CORO2B: variants seen among roughly 807,000 people sequenced by gnomAD.
CORO2B encodes the protein coronin-2B.
CORO2B carries 26 observed loss-of-function variants against 58.8 expected under a neutral mutation model. The observed-to-expected ratio is 0.44, with a 90% CI of 0.32 to 0.61. The LOEUF is 0.61. CORO2B is among the 20% of genes least tolerant of loss of function. The pLI, the probability that CORO2B is intolerant of heterozygous loss-of-function variation, is 0.04. For synonymous variants in CORO2B, 242 were observed against 253.8 expected (o/e 0.95, Z 0.44); for missense variants, 460 against 645.1 (o/e 0.71, Z 3.11).
chr15:68,595,520 C>G (rs766999586), intron 1 of CORO2B, among the ~76,000 whole-genome samples: 1 of 152,232 alleles, frequency 6.6e-6, no homozygotes, highest in Non-Finnish European at 1.5e-5. Flanking sequence ...ATCCCCTTCC[C>G]TCAGTTCAGC....
Position 68,645,406 on chromosome 15 carries a change from A to G in CORO2B, c.216+46A>G. On this transcript the variant is annotated intron_variant, in intron 2 of 11. Transcript: ENST00000261861. This position sits in a 1 kb window ranked among gnomAD's most constrained non-coding sequence, Gnocchi z 4.5. ...CTCCAGCTGCAGCTCCAGGGCAGAG[A>G]GGAGCCCTCCTTGGTCTCTCTTAGG... The G allele has an allele frequency of 6.3e-7, 1 of 1,580,522 alleles. No homozygotes were observed. The highest frequency in any genetic ancestry group is 8.6e-7 in the Non-Finnish European group (1 of 1,160,306).
At chr15:68,672,679 G>C (rs1035800756) in intron 2 of CORO2B, among the ~76,000 whole-genome samples, 1 of 152,242 alleles carries the variant, frequency 6.6e-6, no homozygotes, top group African/African-American at 2.4e-5. Flanking sequence ...TGGAAGTGAA[G>C]AAATGGTGCC....
At chr15:68,714,885 A>G (rs1892996530) in intron 7 of CORO2B, among the ~76,000 whole-genome samples, 1 of 152,138 alleles carries the variant, frequency 6.6e-6, no homozygotes, top group African/African-American at 2.4e-5. Flanking sequence ...GGGCTTTTAC[A>G]TTGGAATAAA....
chr15:68,636,227 T>C (rs1396837825), intron 1 of CORO2B, among the ~76,000 whole-genome samples: 1 of 152,174 alleles, frequency 6.6e-6, no homozygotes, highest in Non-Finnish European at 1.5e-5. Context: ...CAGCATGGAA[T>C]CTGGGGGCCT....
the CORO2B span, among the ~76,000 whole-genome samples, chr15:68,531,546 AGGAAGGAAGGAAAGAAAG>A: frequency 7.3e-5 from 5 of 68,572 alleles, no homozygotes; most frequent in African/African-American, 1.6e-4. Context: ...GAAGGAAGGA[AGGAAGGAAGGAAAGAAAG>A]AGAAAGAAAG....
intron 2 of CORO2B, among the ~76,000 whole-genome samples, chr15:68,693,825 ATTTG>A (rs71905785): frequency 0.89 from 133,763 of 151,052 alleles, 60,330 homozygotes; most frequent in East Asian, 1. Flanking sequence ...TCTGGTTGTG[ATTTG>A]TTTGTTTGTT....
intron 1 of CORO2B, among the ~76,000 whole-genome samples, chr15:68,592,297 G>A (rs538385291): frequency 1.6e-4 from 25 of 152,266 alleles, no homozygotes; most frequent in Non-Finnish European, 2.6e-4. Flanking sequence ...CACACATAAG[G>A]GAATTTTCTG....
At chr15:68,684,383 A>G (rs1027906333) in intron 2 of CORO2B, among the ~76,000 whole-genome samples, 5 of 152,222 alleles carry the variant, frequency 3.3e-5, no homozygotes, top group African/African-American at 1.2e-4. Context: ...GTCCTGAAAT[A>G]GGGGACATGA....
intron 1 of CORO2B, among the ~76,000 whole-genome samples, chr15:68,624,354 G>C (rs1900617731): frequency 6.6e-6 from 1 of 152,120 alleles, no homozygotes; most frequent in Non-Finnish European, 1.5e-5. Flanking sequence ...CTCCAGCCTG[G>C]GCAGCAGTGA....
chr15:68,606,003 A>C (rs1441455726), intron 1 of CORO2B, among the ~76,000 whole-genome samples: 1 of 151,750 alleles, frequency 6.6e-6, no homozygotes, highest in Non-Finnish European at 1.5e-5. Context: ...GGATTATAGC[A>C]GTGAGCCACA....
chr15:68,520,776 T>C, the CORO2B span, among the ~76,000 whole-genome samples: 1 of 152,240 alleles, frequency 6.6e-6, no homozygotes, highest in African/African-American at 2.4e-5. Context: ...CCGGGTGCAG[T>C]AGCTCATGCT....
chr15:68,528,798 C>A, the CORO2B span, among the ~76,000 whole-genome samples: 1 of 150,150 alleles, frequency 6.7e-6, no homozygotes, highest in South Asian at 2.1e-4. Flanking sequence ...AGGAAAGGGG[C>A]TTTTAAATTA....
At chr15:68,716,473 G>A (rs76275896) in intron 8 of CORO2B, among the ~76,000 whole-genome samples, 2,560 of 152,306 alleles carry the variant, frequency 0.017, 42 homozygotes, top group Non-Finnish European at 0.025. Flanking sequence ...GACCCTGCGC[G>A]AAGTCCAGTG....
At chr15:68,724,157 G>A (rs980632085) in intron 11 of CORO2B, among the ~76,000 whole-genome samples, 1 of 152,112 alleles carries the variant, frequency 6.6e-6, no homozygotes, top group African/African-American at 2.4e-5. Flanking sequence ...AGCCAAGATC[G>A]CGCCACTGCA....
At chr15:68,688,326 G>C (rs191661010) in intron 2 of CORO2B, among the ~76,000 whole-genome samples, 25 of 152,134 alleles carry the variant, frequency 1.6e-4, no homozygotes, top group African/African-American at 5.5e-4. Context: ...GGTTTTTTTA[G>C]ATAGGGATCC....
In CORO2B at chr15:68,645,110, T is replaced by C; in HGVS notation, c.16-50T>C. On this transcript the variant is annotated intron_variant, in intron 1 of 11. Coordinates refer to ENST00000261861, the MANE Select transcript of CORO2B (RefSeq NM_006091.5). The surrounding 1 kb of genome is among the most constrained non-coding windows in gnomAD (Gnocchi z 4.5). ...TCCCCCAAGAGCCCAGCCGAGGCCCTTCATGGCACAGGGCCCAGCCTGACC... is the reference window on the plus strand; with the variant it reads ...TCCCCCAAGAGCCCAGCCGAGGCCCCTCATGGCACAGGGCCCAGCCTGACC... 6.3e-7 allele frequency: 1 copy of C among 1,588,390 alleles called. No homozygotes were observed. Among genetic ancestry groups the C allele is most frequent in the Non-Finnish European group, 8.6e-7 (1 of 1,163,532 alleles).
Position 68,726,339 on chromosome 15 carries a change from C to T in CORO2B, c.*365C>T. ...GCTAGACTTAGAACTTGGACTTTTC[C>T]CCTGTGAAGGGGGCTGCCAGGACAT... On this transcript the variant is annotated 3_prime_UTR_variant, in exon 12 of 12. Transcript: ENST00000261861. 1 of 297,294 alleles carries T rather than the reference C, an allele frequency of 3.4e-6. No individual in the cohort carries two copies. Among genetic ancestry groups the T allele is most frequent in the Non-Finnish European group, 6.4e-6 (1 of 156,110 alleles). 18.4% of individuals were successfully genotyped at this position (297,294 alleles called of 1,614,324 possible).
At chr15:68,649,180 G>A (rs1901554220) in intron 2 of CORO2B, among the ~76,000 whole-genome samples, 1 of 151,314 alleles carries the variant, frequency 6.6e-6, no homozygotes, top group Non-Finnish European at 1.5e-5. Context: ...TCTTTACAGA[G>A]TATGTCTATA....
intron 2 of CORO2B, among the ~76,000 whole-genome samples, chr15:68,684,024 C>A (rs1902880179): frequency 6.6e-6 from 1 of 152,122 alleles, no homozygotes; most frequent in Admixed American, 6.5e-5. Context: ...GGAGTTATTT[C>A]ATCAGAGCTG....
Sources: allele counts gnomAD v4.1 joint callset (sites outside exome capture counted in the v4.1 genomes callset), GRCh38; gene constraint gnomAD v4.1.1; non-coding constraint Gnocchi (gnomAD v3.1); transcripts MANE v1.5; gene names NCBI Gene and HGNC (gene_info 2026-07-23, HGNC 2026-07-21).